Variants in LANCL3 observed in about 807,000 individuals in gnomAD.
The protein encoded by LANCL3 is lanC-like protein 3.
A neutral mutation model predicts 26.5 loss-of-function variants in LANCL3; 19 were observed. That is an observed-to-expected ratio of 0.72 (90% CI 0.50 to 1.05). The LOEUF (loss-of-function observed/expected upper bound fraction) is 1.05, where lower values mean the gene tolerates loss of function less well. LANCL3 is among the 50% of genes least tolerant of loss of function. The pLI is 0.00. For missense variants in LANCL3, 318 were observed against 362.7 expected (o/e 0.88, Z 1.00); for synonymous variants, 160 against 166.6 (o/e 0.96, Z 0.30).
intron 1 of LANCL3, among the ~76,000 whole-genome samples, chrX:37,644,921 T>C (rs782521266): frequency 2.7e-4 from 30 of 112,137 alleles, no homozygotes; most frequent in African/African-American, 9.4e-4. Context: ...TTTTAAAAGC[T>C]CCCCAGGTGA....
intron 1 of LANCL3, among the ~76,000 whole-genome samples, chrX:37,600,671 A>G (rs1924552744): frequency 1.8e-5 from 2 of 111,915 alleles, no homozygotes; most frequent in Non-Finnish European, 3.8e-5. Flanking sequence ...TTATTAGAGT[A>G]CTAATTCAGT....
At chrX:37,616,492 C>G (rs1925012757) in intron 1 of LANCL3, among the ~76,000 whole-genome samples, 1 of 112,084 alleles carries the variant, frequency 8.9e-6, no homozygotes, top group Middle Eastern at 4.7e-3. Flanking sequence ...TTGTTACTTT[C>G]TCTGCAGAAA....
At chrX:37,623,707 A>G (rs1240805347) in intron 1 of LANCL3, among the ~76,000 whole-genome samples, 1 of 111,864 alleles carries the variant, frequency 8.9e-6, no homozygotes, top group African/African-American at 3.2e-5. Flanking sequence ...AACACATCCA[A>G]GTGTACAAAA....
chrX:37,595,166 A>G (rs1556419373), intron 1 of LANCL3, among the ~76,000 whole-genome samples: 2 of 111,801 alleles, frequency 1.8e-5, no homozygotes, highest in African/African-American at 6.5e-5. Flanking sequence ...GGCAACTCCA[A>G]GCTCTTAATT....
intron 1 of LANCL3, among the ~76,000 whole-genome samples, chrX:37,650,700 T>C (rs1396258874): frequency 2.8e-5 from 3 of 108,090 alleles, no homozygotes; most frequent in Non-Finnish European, 3.8e-5. Context: ...TCTTTTAGCA[T>C]ATCTGCTGCA....
intron 1 of LANCL3, among the ~76,000 whole-genome samples, chrX:37,645,930 A>G (rs1482217180): frequency 1.8e-5 from 2 of 111,829 alleles, no homozygotes; most frequent in East Asian, 2.8e-4. Context: ...TTGCCCCAAT[A>G]CACAGGACTC....
chrX:37,625,037 C>T (rs1192798315), intron 1 of LANCL3, among the ~76,000 whole-genome samples: 1 of 111,129 alleles, frequency 9.0e-6, no homozygotes, highest in Admixed American at 9.6e-5. Context: ...GGTCAGGCTG[C>T]GGGCACTAGG....
rs782207596 is a variant in LANCL3, at chrX:37,634,973, TA to T, written c.574-20710del. Among the ~76,000 whole-genome samples, 5 of 108,926 alleles carry T rather than the reference TA, an allele frequency of 4.6e-5. No homozygotes were observed. The Admixed American group carries it at 4.9e-4, about 11-fold the overall frequency. The allele number at this position is 108,926 out of a possible 115,157, so 94.6% of individuals were successfully genotyped here. On this transcript the variant is annotated intron_variant, in intron 1 of 4. Transcript: ENST00000378619. ...GAATTATATACAAAAATTATAGGAA[TA>T]AAAATAAATTCAAAGGGATGTTATT...
intron 1 of LANCL3, among the ~76,000 whole-genome samples, chrX:37,596,255 C>T (rs1924426348): frequency 1.8e-5 from 2 of 112,129 alleles, no homozygotes; most frequent in South Asian, 7.3e-4. Context: ...CTGAGTTGTG[C>T]TGTTGATAAT....
rs781891715 is a variant in LANCL3, at chrX:37,582,873, A to G, written c.573+10430A>G. On this transcript the variant is annotated intron_variant, in intron 1 of 4. Transcript: ENST00000378619. ...TTGTTGCCATTGCTTTTGGTGTTTT[A>G]GACATGAAGTCCTTGCCCATGCCTA... is the stretch of plus-strand genomic sequence containing the variant. Among the ~76,000 whole-genome samples the G allele has an allele frequency of 4.5e-5, 5 of 112,022 alleles. No homozygotes were observed. The South Asian group carries it at 1.9e-3, about 42-fold the overall frequency.
intron 1 of LANCL3, among the ~76,000 whole-genome samples, chrX:37,629,425 T>G (rs1925415869): frequency 1.8e-5 from 2 of 110,240 alleles, no homozygotes; most frequent in Non-Finnish European, 3.8e-5. Flanking sequence ...GGTAGTTTCT[T>G]TTGCTGTGCA....
intron 1 of LANCL3, among the ~76,000 whole-genome samples, chrX:37,649,766 G>C (rs1313937026): frequency 9.0e-6 from 1 of 110,711 alleles, no homozygotes. Context: ...ACAGAAGTTT[G>C]AGGACAGATA....
intron 1 of LANCL3, among the ~76,000 whole-genome samples, chrX:37,595,845 A>G (rs968107566): frequency 6.2e-5 from 7 of 112,191 alleles, no homozygotes; most frequent in African/African-American, 2.3e-4. Context: ...CTTTACAGCT[A>G]TTAGAATTTC....
intron 1 of LANCL3, among the ~76,000 whole-genome samples, chrX:37,585,538 T>G (rs1244134993): frequency 8.9e-6 from 1 of 112,239 alleles, no homozygotes; most frequent in Admixed American, 9.4e-5. Flanking sequence ...TTGATCCCTT[T>G]ACTATTATGT....
At chrX:37,603,203 A>T (rs1157643346) in intron 1 of LANCL3, among the ~76,000 whole-genome samples, 1 of 112,252 alleles carries the variant, frequency 8.9e-6, no homozygotes, top group Non-Finnish European at 1.9e-5. Flanking sequence ...TTGTGCCAGG[A>T]TCTAAAAGAT....
intron 2 of LANCL3, among the ~76,000 whole-genome samples, chrX:37,657,806 G>C (rs182204524): frequency 9.0e-6 from 1 of 111,563 alleles, no homozygotes; most frequent in East Asian, 2.8e-4. Context: ...TTCATGATCA[G>C]ATTTTAAGAG....
intron 1 of LANCL3, among the ~76,000 whole-genome samples, chrX:37,650,303 A>C (rs1311181748): frequency 3.1e-5 from 3 of 95,629 alleles, no homozygotes; most frequent in Non-Finnish European, 6.3e-5. Flanking sequence ...ACTCCATCTC[A>C]GGGAAAAAAA....
intron 1 of LANCL3, among the ~76,000 whole-genome samples, chrX:37,651,036 A>G (rs976652820): frequency 9.0e-6 from 1 of 110,579 alleles, no homozygotes; most frequent in Non-Finnish European, 1.9e-5. Flanking sequence ...AGCTTCATCC[A>G]TGGCCCTACA....
intron 1 of LANCL3, among the ~76,000 whole-genome samples, chrX:37,634,729 T>A (rs1171246002): frequency 1.8e-5 from 2 of 112,215 alleles, no homozygotes; most frequent in African/African-American, 6.5e-5. Context: ...GATTTACTGA[T>A]TTTGATAATT....
Sources: allele counts gnomAD v4.1 joint callset (sites outside exome capture counted in the v4.1 genomes callset), GRCh38; gene constraint gnomAD v4.1.1; transcripts MANE v1.5; gene names NCBI Gene and HGNC (gene_info 2026-07-23, HGNC 2026-07-21).